Variants in ZBTB20 observed in about 807,000 individuals in gnomAD.
The protein encoded by ZBTB20 is zinc finger and BTB domain containing 20.
In ZBTB20, 9 loss-of-function variants were observed where a neutral mutation model predicts 56.9. That is an observed-to-expected ratio of 0.16 (90% CI 0.10 to 0.28). ZBTB20 has a LOEUF of 0.28. ZBTB20 is among the 10% of genes least tolerant of loss of function. ZBTB20 has a pLI of 1.00. For missense variants in ZBTB20, 655 were observed against 1,003.0 expected (o/e 0.65, Z 4.69); for synonymous variants, 417 against 420.7 (o/e 0.99, Z 0.11).
chr3:114,413,704 A>G (rs1417594644), intron 7 of ZBTB20, among the ~76,000 whole-genome samples: 1 of 152,098 alleles, frequency 6.6e-6, no homozygotes, highest in Admixed American at 6.6e-5. Context: ...GCAGTCACAT[A>G]TGTCACATTA....
chr3:114,764,399 G>T (rs1231856818), intron 5 of ZBTB20, among the ~76,000 whole-genome samples: 1 of 152,044 alleles, frequency 6.6e-6, no homozygotes, highest in African/African-American at 2.4e-5. Context: ...AACCACAGTG[G>T]GTGCTCATCA....
At chr3:114,678,262 C>T (rs1302835750) in intron 6 of ZBTB20, among the ~76,000 whole-genome samples, 2 of 152,110 alleles carry the variant, frequency 1.3e-5, no homozygotes, top group South Asian at 4.1e-4. Context: ...TCCATTGGTG[C>T]CTTGGCATCA....
At chr3:114,386,626 C>T (rs1389135662) in intron 8 of ZBTB20, among the ~76,000 whole-genome samples, 1 of 152,150 alleles carries the variant, frequency 6.6e-6, no homozygotes, top group Admixed American at 6.5e-5. Context: ...TCTCTTCCCC[C>T]ACTTTCACAT....
intron 6 of ZBTB20, among the ~76,000 whole-genome samples, chr3:114,645,144 A>T (rs997281518): frequency 3.3e-5 from 5 of 152,134 alleles, no homozygotes; most frequent in African/African-American, 1.2e-4. Context: ...CCATATAAAA[A>T]TAAAATGTTA....
chr3:114,843,172 C>A (rs574448527), intron 4 of ZBTB20, among the ~76,000 whole-genome samples: 4 of 152,252 alleles, frequency 2.6e-5, no homozygotes, highest in African/African-American at 9.6e-5. Context: ...AGCCTCTTTT[C>A]TTTATAAATT....
At chr3:114,750,192 C>T (rs2067451489) in intron 5 of ZBTB20, among the ~76,000 whole-genome samples, 2 of 152,208 alleles carry the variant, frequency 1.3e-5, no homozygotes, top group Admixed American at 6.5e-5. Flanking sequence ...ATAAGAGTGA[C>T]ATTTAAAAAA....
intron 5 of ZBTB20, among the ~76,000 whole-genome samples, chr3:114,742,872 T>C (rs2066721003): frequency 6.6e-6 from 1 of 152,148 alleles, no homozygotes; most frequent in South Asian, 2.1e-4. Context: ...GACTGTAACA[T>C]ATAGCTTGGG....
intron 5 of ZBTB20, among the ~76,000 whole-genome samples, chr3:114,744,741 G>A (rs1195540490): frequency 6.6e-6 from 1 of 152,146 alleles, no homozygotes; most frequent in East Asian, 1.9e-4. Context: ...CAGCTGCTGT[G>A]TGTGTATATA....
intron 6 of ZBTB20, among the ~76,000 whole-genome samples, chr3:114,691,556 T>C (rs78307881): frequency 0.018 from 2,689 of 152,118 alleles, 69 homozygotes; most frequent in African/African-American, 0.061. Context: ...TAAATAATAA[T>C]AATAATGCTC....
At chr3:114,926,610 G>C (rs1474953240) in intron 3 of ZBTB20, among the ~76,000 whole-genome samples, 1 of 152,170 alleles carries the variant, frequency 6.6e-6, no homozygotes, top group African/African-American at 2.4e-5. Context: ...GCTTCTAGGA[G>C]AGGGCTGAAC....
chr3:114,530,217 A>G (rs2047688028), intron 6 of ZBTB20, among the ~76,000 whole-genome samples: 1 of 152,186 alleles, frequency 6.6e-6, no homozygotes, highest in African/African-American at 2.4e-5. Flanking sequence ...AGTAACTTCT[A>G]GTTCTGCAAG....
rs556684594 is a variant in ZBTB20, at chr3:114,647,774, T to C, written c.-295+45754A>G. 4.3e-3 allele frequency among the ~76,000 whole-genome samples: 659 copies of C among 152,156 alleles called. 4 individuals carry two copies. The highest frequency in any genetic ancestry group is 7.3e-3 in the Non-Finnish European group (497 of 67,972). ...GGATTTGGCTAGTAATCATGACAAT[T>C]GTGGGAGAGAAAAAAAAAGATATGT... is the stretch of plus-strand genomic sequence containing the variant. On this transcript the variant is annotated intron_variant, in intron 6 of 11. Coordinates refer to ENST00000675478, the MANE Select transcript of ZBTB20 (RefSeq NM_001348800.3).
chr3:114,617,369 A>T (rs920724960), intron 6 of ZBTB20, among the ~76,000 whole-genome samples: 2 of 152,000 alleles, frequency 1.3e-5, no homozygotes, highest in African/African-American at 2.4e-5. Flanking sequence ...CCTCCCTCTG[A>T]CCATCTGGGA....
At chr3:114,477,698 T>C (rs1183742995) in intron 7 of ZBTB20, among the ~76,000 whole-genome samples, 3 of 151,966 alleles carry the variant, frequency 2.0e-5, no homozygotes, top group African/African-American at 4.8e-5. Flanking sequence ...TTTTTCCATG[T>C]TGGTCATGCT....
intron 4 of ZBTB20, among the ~76,000 whole-genome samples, chr3:114,801,734 T>C (rs777894789): frequency 3.3e-5 from 5 of 151,822 alleles, no homozygotes; most frequent in Non-Finnish European, 7.4e-5. Flanking sequence ...AAAATGGCCA[T>C]TGAAATGTAC....
chr3:114,485,165 T>A (rs988769450), intron 7 of ZBTB20, among the ~76,000 whole-genome samples: 1 of 152,166 alleles, frequency 6.6e-6, no homozygotes, highest in African/African-American at 2.4e-5. Flanking sequence ...ACTGTTCCCA[T>A]GAAATAATCC....
At chr3:114,608,147 A>G (rs1398546608) in intron 6 of ZBTB20, among the ~76,000 whole-genome samples, 1 of 152,066 alleles carries the variant, frequency 6.6e-6, no homozygotes, top group African/African-American at 2.4e-5. Flanking sequence ...AGGATGCTTT[A>G]AAAAAACAAA....
intron 6 of ZBTB20, among the ~76,000 whole-genome samples, chr3:114,635,992 T>C (rs770812494): frequency 9.7e-4 from 148 of 152,186 alleles, no homozygotes; most frequent in South Asian, 1.9e-3. Context: ...TATAATCCAA[T>C]TGTCAAAAGT....
intron 4 of ZBTB20, chr3:114,873,905 G>T (rs948764782): frequency 6.6e-6 from 1 of 152,156 alleles, no homozygotes; most frequent in Admixed American, 6.5e-5. Flanking sequence ...AAATGAAATT[G>T]TTCCAGGTTA....
Sources: gnomAD v4.1 joint callset for allele counts (sites outside exome capture counted in the v4.1 genomes callset) on GRCh38, gnomAD v4.1.1 for gene constraint, MANE v1.5 for transcripts, NCBI Gene and HGNC (gene_info 2026-07-23, HGNC 2026-07-21) for gene names.